TENM1: variants seen among roughly 807,000 people sequenced by gnomAD.
TENM1 encodes the protein teneurin transmembrane protein 1.
A neutral mutation model predicts 174.8 loss-of-function variants in TENM1; 35 were observed. That is an observed-to-expected ratio of 0.20 (90% CI 0.15 to 0.27). The LOEUF (loss-of-function observed/expected upper bound fraction) is 0.27, where lower values mean the gene tolerates loss of function less well. TENM1 is among the 10% of genes least tolerant of loss of function. The probability of loss-of-function intolerance (pLI) is 1.00; values close to 1 mark genes in which losing one functional copy is unlikely to be tolerated. For synonymous variants in TENM1, 781 were observed against 798.7 expected (o/e 0.98, Z 0.37); for missense variants, 1,633 against 2,130.1 (o/e 0.77, Z 4.59).
chrX:124,895,994 A>C, exon 2 of TENM1: 1 of 1,211,339 alleles, frequency 8.3e-7, no homozygotes, highest in East Asian at 3.0e-5. Flanking sequence ...TTTCCCCATC[A>C]GACTTCCTTT....
chrX:124,747,202 G>A (rs1351555828), intron 3 of TENM1, among the ~76,000 whole-genome samples: 1 of 107,046 alleles, frequency 9.3e-6, no homozygotes, highest in Admixed American at 1.0e-4. Flanking sequence ...AAATAAAAAC[G>A]CAAATTAGTG....
chrX:124,892,917 A>AT (rs755535505), intron 3 of TENM1, among the ~76,000 whole-genome samples: 3 of 112,516 alleles, frequency 2.7e-5, no homozygotes, highest in Non-Finnish European at 5.6e-5. Flanking sequence ...AGATGCCTTG[A>AT]TAAGCATGCT....
At chrX:125,128,937 A>T in the TENM1 span, among the ~76,000 whole-genome samples, 1 of 111,343 alleles carries the variant, frequency 9.0e-6, no homozygotes, top group Non-Finnish European at 1.9e-5. Context: ...CTTCAGTGTG[A>T]CTATATTTGG....
At chrX:124,595,916 T>C (rs2049879883) in intron 11 of TENM1, among the ~76,000 whole-genome samples, 1 of 112,167 alleles carries the variant, frequency 8.9e-6, no homozygotes, top group African/African-American at 3.2e-5. Flanking sequence ...GACCTGACTC[T>C]GAAAACTAAT....
intron 8 of TENM1, among the ~76,000 whole-genome samples, chrX:124,650,200 CAAAAAAAAAAA>C (rs755570562): frequency 3.2e-4 from 8 of 24,864 alleles, no homozygotes; most frequent in Admixed American, 1.4e-3. Context: ...AAACTGTCTC[CAAAAAAAAAAA>C]AAAAAAAAAA....
chrX:124,778,971 T>C (rs1324214536), intron 3 of TENM1, among the ~76,000 whole-genome samples: 1 of 112,319 alleles, frequency 8.9e-6, no homozygotes, highest in Admixed American at 9.4e-5. Flanking sequence ...AGGGTCATGG[T>C]ATAATGTATG....
the TENM1 span, among the ~76,000 whole-genome samples, chrX:125,042,579 T>C: frequency 1.3e-4 from 15 of 111,231 alleles, no homozygotes; most frequent in African/African-American, 4.6e-4. Context: ...TCAATACAGG[T>C]AATTTTATTT....
chrX:124,704,400 G>A (rs113588096), intron 5 of TENM1, among the ~76,000 whole-genome samples: 165 of 112,015 alleles, frequency 1.5e-3, no homozygotes, highest in African/African-American at 5.0e-3. Flanking sequence ...AAATGAGGGT[G>A]ACTTTAATCA....
chrX:124,537,192 A>AT (rs1278371434), intron 15 of TENM1, among the ~76,000 whole-genome samples: 1 of 111,649 alleles, frequency 9.0e-6, no homozygotes, highest in Non-Finnish European at 1.9e-5. Context: ...CCTCACAAAG[A>AT]TGTCATCATA....
chrX:124,873,973 C>T (rs1313636163), intron 3 of TENM1, among the ~76,000 whole-genome samples: 1 of 111,360 alleles, frequency 9.0e-6, no homozygotes, highest in Non-Finnish European at 1.9e-5. Flanking sequence ...GCAGAGTATT[C>T]CACTGCATAA....
intron 8 of TENM1, among the ~76,000 whole-genome samples, chrX:124,648,035 A>G (rs1317026119): frequency 9.0e-6 from 1 of 111,291 alleles, no homozygotes; most frequent in African/African-American, 3.3e-5. Context: ...CATTTCTACA[A>G]TTGTGGCCTG....
chrX:124,941,379 A>G (rs764026823), intron 1 of TENM1, among the ~76,000 whole-genome samples: 1 of 111,436 alleles, frequency 9.0e-6, no homozygotes, highest in Admixed American at 9.6e-5. Flanking sequence ...TTGAATTTCC[A>G]TTAGTCCACT....
At chrX:124,706,120 G>GT (rs2052898822) in intron 4 of TENM1, among the ~76,000 whole-genome samples, 1 of 111,818 alleles carries the variant, frequency 8.9e-6, no homozygotes, top group Non-Finnish European at 1.9e-5. Flanking sequence ...GGCCAGGATG[G>GT]TATCCATCTC....
chrX:125,025,144 T>C, the TENM1 span, among the ~76,000 whole-genome samples: 1 of 112,061 alleles, frequency 8.9e-6, no homozygotes, highest in African/African-American at 3.2e-5. Flanking sequence ...GCAATGTTCC[T>C]GTAAGTATTA....
the TENM1 span, among the ~76,000 whole-genome samples, chrX:125,172,326 C>A: frequency 9.4e-6 from 1 of 106,617 alleles, no homozygotes; most frequent in Non-Finnish European, 1.9e-5. Context: ...ACCTCACCCC[C>A]CCCCATTTTA....
intron 3 of TENM1, among the ~76,000 whole-genome samples, chrX:124,879,134 C>T (rs183601668): frequency 8.9e-6 from 1 of 112,090 alleles, no homozygotes; most frequent in Non-Finnish European, 1.9e-5. Flanking sequence ...GGGAACATTT[C>T]AAGTCCTCTC....
intron 20 of TENM1, among the ~76,000 whole-genome samples, chrX:124,494,885 G>T (rs2047157472): frequency 1.0e-5 from 1 of 99,504 alleles, no homozygotes; most frequent in Non-Finnish European, 2.0e-5. Context: ...GTGTATATGT[G>T]CCACATTTTC....
intron 6 of TENM1, among the ~76,000 whole-genome samples, chrX:124,667,309 G>C: frequency 9.0e-6 from 1 of 111,238 alleles, no homozygotes; most frequent in Non-Finnish European, 1.9e-5. Context: ...ATAGTTATAG[G>C]CCAGGCACAG....
chrX:125,145,131 C>T, the TENM1 span, among the ~76,000 whole-genome samples: 2 of 111,224 alleles, frequency 1.8e-5, no homozygotes, highest in South Asian at 7.5e-4. Flanking sequence ...TTATTTTCTC[C>T]ATTAACTATT....
Sources: gnomAD v4.1 joint callset for allele counts (sites outside exome capture counted in the v4.1 genomes callset) on GRCh38, gnomAD v4.1.1 for gene constraint, MANE v1.5 for transcripts, NCBI Gene and HGNC (gene_info 2026-07-23, HGNC 2026-07-21) for gene names.